SORL1: variants seen among roughly 807,000 people sequenced by gnomAD.
SORL1 encodes sortilin related receptor 1.
Under a neutral mutation model 273.7 loss-of-function variants are expected in SORL1, and 127 were observed. That is an observed-to-expected ratio of 0.46 (90% CI 0.40 to 0.54). The LOEUF is 0.54. Ranked by LOEUF, SORL1 falls within the 20% of genes least tolerant of loss-of-function variation. The pLI is 0.00. For missense variants in SORL1, 2,494 were observed against 2,846.1 expected (o/e 0.88, Z 2.81); for synonymous variants, 1,031 against 1,067.4 (o/e 0.97, Z 0.66).
intron 38 of SORL1, chr11:121,609,653 T>C (rs997809194): frequency 1.3e-5 from 2 of 152,204 alleles, no homozygotes; most frequent in African/African-American, 4.8e-5. Flanking sequence ...TGTTGTAAAA[T>C]ATCTGTGACA....
intron 6 of SORL1, among the ~76,000 whole-genome samples, chr11:121,507,197 T>C (rs896793824): frequency 2.0e-5 from 3 of 152,206 alleles, no homozygotes; most frequent in Non-Finnish European, 2.9e-5. Flanking sequence ...CATTTTTCTT[T>C]GCTGCTTTCC....
rs145486007 is a variant in SORL1, at chr11:121,478,231, G to A, written c.516G>A (p.Ala172=). 1.9e-4 allele frequency: 304 copies of A among 1,613,934 alleles called. 3 individuals are homozygous for A. In the African/African-American group the frequency reaches 2.8e-3, roughly 15 times the overall value. ...AVIAQFYHSP[A]DNKRYIFADA... is the part of the protein sequence containing the mutation. The stretch of plus-strand genomic sequence containing the variant: ...TCGCCCAGTTCTACCACAGCCCTGC[G>A]GACAACAAGCGGGTAAGGAAGTGGC... The change falls in exon 3 of 48, where the codon GCG becomes GCA. Residue 172 remains alanine (A), a synonymous_variant. Transcript: ENST00000260197.
chr11:121,580,606 T>C (rs1254893775), intron 25 of SORL1, among the ~76,000 whole-genome samples: 2 of 147,072 alleles, frequency 1.4e-5, no homozygotes, highest in Non-Finnish European at 3.0e-5. Context: ...TGCACTTACT[T>C]TTTTTTTTTT....
intron 25 of SORL1, among the ~76,000 whole-genome samples, chr11:121,577,824 A>C (rs182576702): frequency 1.3e-5 from 2 of 152,230 alleles, no homozygotes; most frequent in Admixed American, 1.3e-4. Flanking sequence ...GTAAGATTTT[A>C]TTAAAAGTAA....
chr11:121,558,468 T>C lies in SORL1; in HGVS notation c.2664-123T>C, dbSNP rs183649756. ...CAGGTGTTGTCATTACATATTGTTATAATAATGCTGAAATAACCAGCCGGA... is the reference window on the plus strand; with the variant it reads ...CAGGTGTTGTCATTACATATTGTTACAATAATGCTGAAATAACCAGCCGGA... On this transcript the variant is annotated intron_variant, in intron 19 of 47. Transcript: ENST00000260197. 1,048 of 990,290 alleles carry C rather than the reference T, an allele frequency of 1.1e-3. 2 individuals are homozygous for C. The highest frequency in any genetic ancestry group is 1.3e-3 in the Non-Finnish European group (865 of 656,432). The allele number at this position is 990,290 out of a possible 1,614,324, so 61.3% of individuals were successfully genotyped here. A position where few individuals can be genotyped will look rare whatever the true frequency, so the allele number is the denominator to read the frequency against.
chr11:121,600,140 G>A (rs894880123), intron 32 of SORL1, among the ~76,000 whole-genome samples: 3 of 152,096 alleles, frequency 2.0e-5, no homozygotes, highest in African/African-American at 7.2e-5. Context: ...TTTGGTGGTG[G>A]GTTTTAATGT....
intron 30 of SORL1, chr11:121,590,777 A>G (rs1355821549): frequency 2.7e-6 from 2 of 749,712 alleles, no homozygotes; most frequent in Non-Finnish European, 4.9e-6. Flanking sequence ...AATCAAATAT[A>G]GTAAGGGAAA....
chr11:121,490,102 CT>C lies in SORL1; in HGVS notation c.754del (p.Ser252LeufsTer41). The C allele has an allele frequency of 6.2e-7, 1 of 1,612,492 alleles. No individual in the cohort carries two copies. The highest frequency in any genetic ancestry group is 8.5e-7 in the Non-Finnish European group (1 of 1,178,494). On this transcript the variant is annotated frameshift_variant, in exon 5 of 48. Coordinates refer to ENST00000260197, the MANE Select transcript of SORL1 (RefSeq NM_003105.6). LOFTEE classifies it high-confidence loss of function. ...TCATGATTCAGGAACATGTCAAGTC[CT>C]TTTCTTGGTAAGTTGTGTCATCTAA... ...WIMIQEHVKS[F>X]SWGIDPYDKP...
At position 121,492,275 on chromosome 11, in the gene SORL1, C is replaced by T. The variant is rs577132153; in HGVS notation, c.758+2165C>T. 5.3e-5 allele frequency among the ~76,000 whole-genome samples: 8 copies of T among 152,238 alleles called. No homozygotes were observed. In the South Asian group the frequency reaches 6.2e-4, roughly 12 times the overall value. On this transcript the variant is annotated intron_variant, in intron 5 of 47. Coordinates refer to ENST00000260197, the MANE Select transcript of SORL1 (RefSeq NM_003105.6). ...ACTCGGGAGGCTGAGGCAGGAGAAT[C>T]GCTTGAACCCGGTAGGTGGAGGTTG... is the stretch of plus-strand genomic sequence containing the variant.
intron 45 of SORL1, among the ~76,000 whole-genome samples, chr11:121,623,276 G>A (rs1863749563): frequency 6.6e-6 from 1 of 152,220 alleles, no homozygotes; most frequent in East Asian, 1.9e-4. Flanking sequence ...AAGATTTGCA[G>A]GGAAGAGTAT....
At position 121,558,889 on chromosome 11, in the gene SORL1, A is replaced by G. The variant is rs770723150; in HGVS notation, c.2910+52A>G. 26 of 1,604,064 alleles carry G rather than the reference A, an allele frequency of 1.6e-5. No individual in the cohort carries two copies. In the Admixed American group the frequency reaches 4.2e-4, roughly 26 times the overall value. ...GTCTGCTAGAGCGGGTGAGGAGCAT[A>G]TGAGATCAGGAGCCTGCATCCCTGG... is the stretch of plus-strand genomic sequence containing the variant. On this transcript the variant is annotated intron_variant, in intron 20 of 47. Coordinates refer to ENST00000260197, the MANE Select transcript of SORL1 (RefSeq NM_003105.6).
intron 32 of SORL1, among the ~76,000 whole-genome samples, chr11:121,598,120 G>A (rs1168241542): frequency 6.6e-6 from 1 of 152,118 alleles, no homozygotes; most frequent in Non-Finnish European, 1.5e-5. Flanking sequence ...CTGGTCCTAA[G>A]GAGCCCTTGA....
intron 6 of SORL1, among the ~76,000 whole-genome samples, chr11:121,505,868 G>T (rs1286981134): frequency 6.6e-6 from 1 of 152,104 alleles, no homozygotes; most frequent in Non-Finnish European, 1.5e-5. Flanking sequence ...TTATCCTTGA[G>T]AATGTGGCTG....
chr11:121,488,981 G>C (rs1861514090), intron 4 of SORL1, among the ~76,000 whole-genome samples: 1 of 152,158 alleles, frequency 6.6e-6, no homozygotes, highest in Admixed American at 6.5e-5. Context: ...CCAGCGGAGG[G>C]GGAATTATTG....
In SORL1 at chr11:121,522,973, G is replaced by A. The variant is rs892084417; in HGVS notation, c.1580G>A (p.Gly527Glu). 6.2e-7 allele frequency: 1 copy of A among 1,613,554 alleles called. No individual in the cohort carries two copies. Among genetic ancestry groups the A allele is most frequent in the Non-Finnish European group, 8.5e-7 (1 of 1,179,506 alleles). Reference protein sequence around the residue: ...KTNVYISSSAGARWREALPGP... With the variant: ...KTNVYISSSAEARWREALPGP... ...AACGTGTACATCTCTAGCAGTGCTG[G>A]AGCCAGGTGGCGAGAGGTCAGCCCC... The change falls in exon 11 of 48, where the codon GGA (glycine) becomes GAA (glutamate). Residue 527 changes from glycine to glutamate, a missense_variant. Physicochemically the swap from Gly to Glu is moderately conservative, Grantham distance 98. Transcript: ENST00000260197.
chr11:121,595,490 G>A lies in SORL1; in HGVS notation c.4370-133G>A, dbSNP rs188985774. 2,448 of 798,898 alleles carry A rather than the reference G, an allele frequency of 3.1e-3. 5 individuals are homozygous for A. The highest frequency in any genetic ancestry group is 4.1e-3 in the Non-Finnish European group (2,002 of 492,754). The allele number at this position is 798,898 out of a possible 1,614,324, so 49.5% of individuals were successfully genotyped here. On this transcript the variant is annotated intron_variant, in intron 31 of 47. Transcript: ENST00000260197. This position sits in a 1 kb window ranked among gnomAD's most constrained non-coding sequence, Gnocchi z 5.1. Reference sequence around the variant, plus strand: ...TCTGTATCTACTCTGCTCTCTATCCGGAACTCGCATTTGTCTTCAGGTTCC... The same window carrying A: ...TCTGTATCTACTCTGCTCTCTATCCAGAACTCGCATTTGTCTTCAGGTTCC...
At chr11:121,491,848 C>T (rs1243949368) in intron 5 of SORL1, among the ~76,000 whole-genome samples, 9 of 152,176 alleles carry the variant, frequency 5.9e-5, no homozygotes, top group Non-Finnish European at 1.2e-4. Flanking sequence ...TGTTCCTCTG[C>T]TTTGAACCCT....
intron 34 of SORL1, 49 bp downstream of exon 34, chr11:121,605,288 C>T (rs778791976): frequency 1.3e-6 from 2 of 1,590,016 alleles, no homozygotes; most frequent in East Asian, 2.2e-5. Context: ...CTTCATTGCC[C>T]CAGGATGTTC....
At chr11:121,474,101 G>A (rs969713084) in intron 2 of SORL1, among the ~76,000 whole-genome samples, 4 of 152,160 alleles carry the variant, frequency 2.6e-5, no homozygotes, top group Non-Finnish European at 4.4e-5. Context: ...CTGGAATCCC[G>A]GATGTGCCAT....
Sources: gnomAD v4.1 joint callset for allele counts (sites outside exome capture counted in the v4.1 genomes callset) on GRCh38, gnomAD v4.1.1 for gene constraint, Gnocchi (gnomAD v3.1) non-coding constraint, MANE v1.5 for transcripts, NCBI Gene and HGNC (gene_info 2026-07-23, HGNC 2026-07-21) for gene names.